NLRC4: variants seen among roughly 807,000 people sequenced by gnomAD.
NLRC4 encodes the protein NLR family CARD domain containing 4, also known as NLR family CARD domain-containing protein 4.
Under a neutral mutation model 79.9 loss-of-function variants are expected in NLRC4, and 63 were observed. The ratio of observed to expected loss-of-function variants is 0.79; its 90% CI spans 0.64 to 0.97. The LOEUF (loss-of-function observed/expected upper bound fraction) is 0.97, where lower values mean the gene tolerates loss of function less well. Ranked by LOEUF, NLRC4 falls within the 50% of genes least tolerant of loss-of-function variation. NLRC4 has a pLI of 0.00. For synonymous variants in NLRC4, 461 were observed against 456.5 expected, an observed-to-expected ratio of 1.01 and a Z score of -0.12; for missense variants, 1,074 against 1,215.2, an observed-to-expected ratio of 0.88 and a Z score of 1.73.
intron 8 of NLRC4, among the ~76,000 whole-genome samples, chr2:32,234,243 G>A (rs778657266): frequency 1.6e-4 from 24 of 152,046 alleles, no homozygotes; most frequent in African/African-American, 5.5e-4. Context: ...AAAATTAGGC[G>A]TGGTGGCTGG....
Position 32,257,856 on chromosome 2 carries a change from C to T in NLRC4, c.-118-963G>A, listed in dbSNP as rs189893873. On this transcript the variant is annotated intron_variant, in intron 1 of 8. Coordinates refer to ENST00000402280, the MANE Select transcript of NLRC4 (RefSeq NM_001199138.2). ...GGCGGGCTGTGGGGTTCCAATCCCA[C>T]GGCAGTGTCTAGTGGTGAATGTTTA... Among the ~76,000 whole-genome samples, 1,007 of 152,114 alleles carry T rather than the reference C, an allele frequency of 6.6e-3. 7 individuals carry two copies. The highest frequency in any genetic ancestry group is 0.01 in the Non-Finnish European group (680 of 67,982).
At chr2:32,256,670 CAT>C in intron 2 of NLRC4, 103 bp downstream of exon 2, 3 of 742,860 alleles carry the variant, frequency 4.0e-6, no homozygotes, top group South Asian at 2.9e-5. Context: ...GGTAATTCCA[CAT>C]ATGACTGGTC....
intron 4 of NLRC4, among the ~76,000 whole-genome samples, chr2:32,245,760 A>G (rs1162323239): frequency 6.6e-6 from 1 of 152,238 alleles, no homozygotes; most frequent in Non-Finnish European, 1.5e-5. Context: ...TGTATCCACA[A>G]AAATGAAAAA....
chr2:32,260,007 T>A (rs375581801), intron 1 of NLRC4, among the ~76,000 whole-genome samples: 10 of 152,146 alleles, frequency 6.6e-5, no homozygotes, highest in Non-Finnish European at 1.3e-4. Context: ...GGTGGGCGGA[T>A]CACCTGAGGT....
intron 4 of NLRC4, among the ~76,000 whole-genome samples, chr2:32,247,231 G>C (rs1435323184): frequency 6.6e-6 from 1 of 152,180 alleles, no homozygotes; most frequent in Non-Finnish European, 1.5e-5. Flanking sequence ...GGGAAGGACT[G>C]GGTATTGGGT....
chr2:32,234,225 CA>C (rs999431770), intron 8 of NLRC4, among the ~76,000 whole-genome samples: 38 of 144,948 alleles, frequency 2.6e-4, no homozygotes, highest in East Asian at 6.0e-4. Context: ...ACTAAAAATA[CA>C]AAAAAAAAAA....
At chr2:32,260,210 C>G (rs1419442956) in intron 1 of NLRC4, among the ~76,000 whole-genome samples, 2 of 47,724 alleles carry the variant, frequency 4.2e-5, no homozygotes, top group African/African-American at 1.4e-4. Context: ...GCCTGGGCAA[C>G]GACAAAAAAA....
intron 8 of NLRC4, among the ~76,000 whole-genome samples, chr2:32,233,349 ATTTTTTTTT>A (rs1176305976): frequency 4.1e-4 from 17 of 41,102 alleles, no homozygotes; most frequent in African/African-American, 1.3e-3. Flanking sequence ...ATATATATAT[ATTTTTTTTT>A]TTTTTTTTTT....
intron 4 of NLRC4, among the ~76,000 whole-genome samples, chr2:32,245,075 C>T (rs745641927): frequency 6.6e-6 from 1 of 151,770 alleles, no homozygotes; most frequent in Non-Finnish European, 1.5e-5. Context: ...TTTGGGTAGC[C>T]GAGGTGGGTG....
intron 4 of NLRC4, among the ~76,000 whole-genome samples, chr2:32,247,080 G>C (rs1686954129): frequency 6.6e-6 from 1 of 152,180 alleles, no homozygotes; most frequent in East Asian, 1.9e-4. Context: ...ACAACAGTTA[G>C]GGTGGGAACG....
chr2:32,227,680 TATC>T (rs1015828645), intron 8 of NLRC4, among the ~76,000 whole-genome samples: 33 of 152,250 alleles, frequency 2.2e-4, no homozygotes, highest in Admixed American at 9.8e-4. Flanking sequence ...ATAAGGATCT[TATC>T]ATCAATTTAA....
At chr2:32,234,319 G>A (rs528843054) in intron 8 of NLRC4, among the ~76,000 whole-genome samples, 90 of 152,032 alleles carry the variant, frequency 5.9e-4, no homozygotes, top group African/African-American at 2.0e-3. Context: ...GAGGTGGAGT[G>A]TGCAGTGAGC....
intron 8 of NLRC4, among the ~76,000 whole-genome samples, chr2:32,226,410 C>G (rs1039604038): frequency 6.6e-6 from 1 of 152,222 alleles, no homozygotes; most frequent in African/African-American, 2.4e-5. Flanking sequence ...TCAGGTTCTT[C>G]TTTACAGACA....
At position 32,261,316 on chromosome 2, in the gene NLRC4, C is replaced by CCTTTTTTTTTTTTTTTTTTTTTTTTTTT; in HGVS notation, c.-119+3421_-119+3422insAAAAAAAAAAAAAAAAAAAAAAAAAAAG. On this transcript the variant is annotated intron_variant, in intron 1 of 8. Coordinates refer to ENST00000402280, the MANE Select transcript of NLRC4 (RefSeq NM_001199138.2). ...TTCTTTCGCCTATTAAGCCTCCCCCCTTTTGTTTTTTTTTGAGATGGAGCC... is the reference window on the plus strand; with the variant it reads ...TTCTTTCGCCTATTAAGCCTCCCCCCCTTTTTTTTTTTTTTTTTTTTTTTTTTTTTTTGTTTTTTTTTGAGATGGAGCC... Among the ~76,000 whole-genome samples the CCTTTTTTTTTTTTTTTTTTTTTTTTTTT allele has an allele frequency of 2.2e-4, 21 of 96,924 alleles. 1 individual carries two copies. The highest frequency in any genetic ancestry group is 8.3e-4 in the African/African-American group (20 of 24,224). 63.6% of individuals were successfully genotyped at this position (96,924 alleles called of 152,430 possible).
intron 8 of NLRC4, among the ~76,000 whole-genome samples, chr2:32,229,704 A>T (rs1333021100): frequency 6.6e-6 from 1 of 152,196 alleles, no homozygotes; most frequent in Admixed American, 6.5e-5. Context: ...ATTGAAAAGA[A>T]GACTGAGAAG....
chr2:32,262,470 C>G (rs1425088110), intron 1 of NLRC4, among the ~76,000 whole-genome samples: 1 of 152,134 alleles, frequency 6.6e-6, no homozygotes, highest in African/African-American at 2.4e-5. Flanking sequence ...CAGTTACCCA[C>G]TGGCATAAAG....
intron 2 of NLRC4, among the ~76,000 whole-genome samples, chr2:32,256,155 C>T (rs923106617): frequency 6.6e-6 from 1 of 151,964 alleles, no homozygotes; most frequent in African/African-American, 2.4e-5. Context: ...CTCATTTATT[C>T]ATTAATTATT....
chr2:32,237,119 T>C (rs549034813), intron 6 of NLRC4, among the ~76,000 whole-genome samples: 1 of 152,342 alleles, frequency 6.6e-6, no homozygotes, highest in East Asian at 1.9e-4. Context: ...AGCTAAGAAT[T>C]GCTTAGTGCT....
In NLRC4 at chr2:32,251,008, G is replaced by T. The variant is rs1573494372; in HGVS notation, c.856C>A (p.His286Asn). The T allele has an allele frequency of 3.1e-6, 5 of 1,614,154 alleles. No individual in the cohort carries two copies. Among genetic ancestry groups the T allele is most frequent in the Non-Finnish European group, 4.2e-6 (5 of 1,180,038 alleles). ...IVTTTTECLRHIRQFGALTAE... is the reference protein window; with the variant it reads ...IVTTTTECLRNIRQFGALTAE... ...GTCAGGGCACCAAACTGCCGTATGT[G>T]CCTCAGGCACTCAGTGGTAGTGGTG... The change falls in exon 4 of 9, where the codon CAC becomes AAC. Residue 286 changes from histidine to asparagine, a missense_variant. By Grantham distance (68) the His-to-Asn change is moderately conservative. Transcript: ENST00000402280.
Sources: gnomAD v4.1 joint callset for allele counts (sites outside exome capture counted in the v4.1 genomes callset) on GRCh38, gnomAD v4.1.1 for gene constraint, MANE v1.5 for transcripts, NCBI Gene and HGNC (gene_info 2026-07-23, HGNC 2026-07-21) for gene names.